ZBTB16: variants seen among roughly 807,000 people sequenced by gnomAD.
ZBTB16 encodes the protein zinc finger and BTB domain containing 16, also known as zinc finger and BTB domain-containing protein 16.
In ZBTB16, 8 loss-of-function variants were observed where a neutral mutation model predicts 56.8. The ratio of observed to expected loss-of-function variants is 0.14; its 90% confidence interval spans 0.08 to 0.25. The LOEUF (loss-of-function observed/expected upper bound fraction) is 0.25. ZBTB16 is among the 10% of genes least tolerant of loss of function. The pLI is 1.00. For synonymous variants in ZBTB16, 363 were observed against 368.5 expected, an observed-to-expected ratio of 0.98 and a Z score of 0.17; for missense variants, 625 against 903.0, an observed-to-expected ratio of 0.69 and a Z score of 3.95.
chr11:114,081,049 C>A (rs1001558584), intron 2 of ZBTB16, among the ~76,000 whole-genome samples: 12 of 152,322 alleles, frequency 7.9e-5, no homozygotes, highest in African/African-American at 2.9e-4. Flanking sequence ...GGTCACACAG[C>A]AAGCTAGAGG....
intron 3 of ZBTB16, among the ~76,000 whole-genome samples, chr11:114,160,203 G>A (rs1039950834): frequency 2.6e-5 from 4 of 152,120 alleles, no homozygotes; most frequent in Admixed American, 6.6e-5. Flanking sequence ...CCAGACTTGT[G>A]GGTACAGTAT....
rs552603365 is a variant in ZBTB16, at chr11:114,219,581, C to T, written c.1454-22586C>T. 3.3e-5 allele frequency among the ~76,000 whole-genome samples: 5 copies of T among 151,970 alleles called. No homozygotes were observed. In the South Asian group the frequency reaches 1.0e-3, roughly 32 times the overall value. On this transcript the variant is annotated intron_variant, in intron 4 of 6. Coordinates refer to ENST00000335953, the MANE Select transcript of ZBTB16 (RefSeq NM_006006.6). ...GCAAAATCGAGTTGTGTCTCTGGGCCTAGCTATGTCCTGGGCTGTGAGGGA... is the reference window on the plus strand; with the variant it reads ...GCAAAATCGAGTTGTGTCTCTGGGCTTAGCTATGTCCTGGGCTGTGAGGGA...
At chr11:114,216,059 C>A (rs1249346082) in intron 4 of ZBTB16, among the ~76,000 whole-genome samples, 2 of 152,182 alleles carry the variant, frequency 1.3e-5, no homozygotes, top group East Asian at 3.9e-4. Context: ...TTGTTACCAC[C>A]TCTCCCGCTT....
intron 2 of ZBTB16, among the ~76,000 whole-genome samples, chr11:114,073,376 C>A (rs1460074973): frequency 6.6e-6 from 1 of 152,142 alleles, no homozygotes; most frequent in Non-Finnish European, 1.5e-5. Context: ...AATAAAAATC[C>A]CATGCTGTTA....
intron 2 of ZBTB16, among the ~76,000 whole-genome samples, chr11:114,085,793 G>T (rs183598407): frequency 5.6e-4 from 85 of 152,220 alleles, no homozygotes; most frequent in Non-Finnish European, 7.2e-4. Flanking sequence ...ATGGGCATGG[G>T]GTAGGATGGG....
In ZBTB16 at chr11:114,063,251, G is replaced by A. The variant is rs371858413; in HGVS notation, c.-50G>A. The A allele has an allele frequency of 1.3e-5, 21 of 1,603,962 alleles. No homozygotes were observed. Among genetic ancestry groups the A allele is most frequent in the Non-Finnish European group, 1.5e-5 (18 of 1,176,710 alleles). On this transcript the variant is annotated 5_prime_UTR_variant, in exon 2 of 7. Coordinates refer to ENST00000335953, the MANE Select transcript of ZBTB16 (RefSeq NM_006006.6). This position sits in a 1 kb window ranked among gnomAD's most constrained non-coding sequence, Gnocchi z 6.5. ...CAGGAAGCCCACCCAGCCCCGCCACGCAGAGCCCAGAAGGAAAGAAAGCCT... is the reference window on the plus strand; with the variant it reads ...CAGGAAGCCCACCCAGCCCCGCCACACAGAGCCCAGAAGGAAAGAAAGCCT...
intron 2 of ZBTB16, among the ~76,000 whole-genome samples, chr11:114,096,566 C>G (rs560485426): frequency 6.6e-6 from 1 of 152,070 alleles, no homozygotes; most frequent in South Asian, 2.1e-4. Context: ...TTTTAAACAT[C>G]GTTGTCTCAT....
At chr11:114,141,186 C>T (rs933051416) in intron 2 of ZBTB16, among the ~76,000 whole-genome samples, 2 of 152,200 alleles carry the variant, frequency 1.3e-5, no homozygotes, top group Non-Finnish European at 1.5e-5. Context: ...CATGTGATGC[C>T]TCCATCACAC....
chr11:114,093,387 T>C (rs1940264508), intron 2 of ZBTB16, among the ~76,000 whole-genome samples: 1 of 152,100 alleles, frequency 6.6e-6, no homozygotes, highest in South Asian at 2.1e-4. Context: ...AGGCTTCCTT[T>C]TCAGCCTTTT....
At chr11:114,168,141 C>T (rs983336024) in intron 3 of ZBTB16, among the ~76,000 whole-genome samples, 1 of 152,210 alleles carries the variant, frequency 6.6e-6, no homozygotes, top group Non-Finnish European at 1.5e-5. Context: ...CCCTATACTA[C>T]CTCGCTTAGT....
At chr11:114,069,742 G>C (rs555450454) in intron 2 of ZBTB16, among the ~76,000 whole-genome samples, 1 of 152,334 alleles carries the variant, frequency 6.6e-6, no homozygotes, top group East Asian at 1.9e-4. Flanking sequence ...GTAGAATAAT[G>C]ATAGCCACAG....
intron 2 of ZBTB16, among the ~76,000 whole-genome samples, chr11:114,082,716 G>A (rs1319714834): frequency 6.6e-6 from 1 of 152,148 alleles, no homozygotes; most frequent in Non-Finnish European, 1.5e-5. Flanking sequence ...GACATGAAAT[G>A]GACCCTTGCC....
intron 2 of ZBTB16, among the ~76,000 whole-genome samples, chr11:114,086,297 A>G (rs1591651181): frequency 3.3e-5 from 5 of 151,784 alleles, no homozygotes; most frequent in Admixed American, 3.3e-4. Context: ...CCCCACTGGC[A>G]CTTGGATTGT....
intron 4 of ZBTB16, among the ~76,000 whole-genome samples, chr11:114,233,125 A>ACACACACACACACACTCT (rs1443230792): frequency 3.7e-5 from 2 of 54,720 alleles, no homozygotes; most frequent in African/African-American, 1.0e-4. Flanking sequence ...ACACACACAC[A>ACACACACACACACACTCT]CTCTCTCTCT....
intron 3 of ZBTB16, among the ~76,000 whole-genome samples, chr11:114,175,538 C>A (rs1943087033): frequency 6.6e-6 from 1 of 151,868 alleles, no homozygotes; most frequent in Non-Finnish European, 1.5e-5. Context: ...CTCAACGCAA[C>A]CTCCTCTCCC....
chr11:114,219,827 C>T (rs977424405), intron 4 of ZBTB16, among the ~76,000 whole-genome samples: 2 of 152,058 alleles, frequency 1.3e-5, no homozygotes, highest in African/African-American at 4.8e-5. Flanking sequence ...AACTAATTCT[C>T]CAGTCTGTTG....
At chr11:114,147,975 T>C (rs955894828) in intron 2 of ZBTB16, among the ~76,000 whole-genome samples, 5 of 152,202 alleles carry the variant, frequency 3.3e-5, no homozygotes, top group African/African-American at 7.2e-5. Flanking sequence ...CTTGGTGAAA[T>C]TTGTTGATAG....
intron 4 of ZBTB16, among the ~76,000 whole-genome samples, chr11:114,201,524 T>A (rs1295217393): frequency 6.6e-6 from 1 of 152,232 alleles, no homozygotes; most frequent in Admixed American, 6.5e-5. Flanking sequence ...TTGGCCTTTA[T>A]GTACCAAAGT....
At chr11:114,128,443 G>A (rs574228895) in intron 2 of ZBTB16, among the ~76,000 whole-genome samples, 35 of 152,318 alleles carry the variant, frequency 2.3e-4, no homozygotes, top group African/African-American at 6.3e-4. Flanking sequence ...GTTTGAATCC[G>A]AGCTCCAACA....
Sources: allele counts gnomAD v4.1 joint callset (sites outside exome capture counted in the v4.1 genomes callset), GRCh38; gene constraint gnomAD v4.1.1; non-coding constraint Gnocchi (gnomAD v3.1); transcripts MANE v1.5; gene names NCBI Gene and HGNC (gene_info 2026-07-23, HGNC 2026-07-21).